The following COL4A5 variants were observed in gnomAD, a reference collection of about 807,000 sequenced individuals.
The protein encoded by COL4A5 is collagen type IV alpha 5 chain.
A neutral mutation model predicts 130.2 loss-of-function variants in COL4A5; 26 were observed. That is an observed-to-expected ratio of 0.20 (90% CI 0.15 to 0.28). The LOEUF is 0.28. COL4A5 is among the 10% of genes least tolerant of loss of function. COL4A5 has a pLI of 1.00. For synonymous variants in COL4A5, 496 were observed against 439.6 expected (o/e 1.13, Z -1.60); for missense variants, 1,131 against 1,344.3 (o/e 0.84, Z 2.48).
chrX:108,450,951 A>G (rs962783528), intron 1 of COL4A5, among the ~76,000 whole-genome samples: 19 of 108,551 alleles, frequency 1.8e-4, no homozygotes, highest in East Asian at 2.9e-4. Flanking sequence ...CCATTAACTC[A>G]TCATTTAGCA....
intron 44 of COL4A5, among the ~76,000 whole-genome samples, chrX:108,678,524 A>G (rs2068355821): frequency 9.0e-6 from 1 of 111,276 alleles, no homozygotes; most frequent in South Asian, 3.8e-4. Flanking sequence ...AAATATTCTC[A>G]TGTTTTATTA....
intron 1 of COL4A5, among the ~76,000 whole-genome samples, chrX:108,513,782 T>C (rs1646593277): frequency 9.4e-6 from 1 of 106,413 alleles, no homozygotes; most frequent in African/African-American, 3.9e-5. Context: ...TCCTGCTTAA[T>C]CTCAAGTCAT....
intron 1 of COL4A5, among the ~76,000 whole-genome samples, chrX:108,503,314 A>G (rs746507075): frequency 8.9e-6 from 1 of 112,107 alleles, no homozygotes; most frequent in African/African-American, 3.2e-5. Context: ...TGAATGGGGA[A>G]AAGTTGAAAG....
chrX:108,477,919 T>G (rs1175754920), intron 1 of COL4A5, among the ~76,000 whole-genome samples: 6 of 111,385 alleles, frequency 5.4e-5, no homozygotes, highest in African/African-American at 2.0e-4. Flanking sequence ...GATTACCTTG[T>G]TCTACTACCT....
Position 108,584,598 on chromosome X carries a change from A to G in COL4A5, c.1032+73A>G, listed in dbSNP as rs1243025644. On this transcript the variant is annotated intron_variant, in intron 18 of 52. Transcript: ENST00000328300. ...TATCATTTTTGTGCCTTAATCGCAT[A>G]CTCCCTACTTTTTCTTGATAGAACA... 4 of 879,049 alleles carry G rather than the reference A, an allele frequency of 4.6e-6. No individual in the cohort carries two copies. In the African/African-American group the frequency reaches 8.3e-5, roughly 18 times the overall value. 72.4% of individuals were successfully genotyped at this position (879,049 alleles called of 1,213,427 possible). A position where few individuals can be genotyped will look rare whatever the true frequency, so the allele number is the denominator to read the frequency against.
intron 1 of COL4A5, among the ~76,000 whole-genome samples, chrX:108,521,345 ACT>A (rs2065263222): frequency 9.1e-6 from 1 of 110,323 alleles, no homozygotes; most frequent in South Asian, 3.9e-4. Context: ...ATTGTTCTGA[ACT>A]CTCTTTTCAA....
At chrX:108,591,492 A>G in intron 20 of COL4A5, 69 bp from the exon 21 acceptor site, 2 of 923,708 alleles carry the variant, frequency 2.2e-6, no homozygotes, top group South Asian at 4.1e-5. Context: ...CTGGCTTGTC[A>G]GGCTTTCTTT....
chrX:108,510,991 A>G (rs995676962), intron 1 of COL4A5, among the ~76,000 whole-genome samples: 4 of 111,522 alleles, frequency 3.6e-5, no homozygotes, highest in Non-Finnish European at 7.5e-5. Context: ...GTGAATATAC[A>G]ATATCTTCCT....
In COL4A5 at chrX:108,602,997, C is replaced by T. The variant is rs753005152; in HGVS notation, c.2180C>T (p.Pro727Leu). Residue 727 changes from proline to leucine, a missense_variant, in exon 28 of 53, where the codon CCT (proline) becomes CTT (leucine). Transcript: ENST00000328300. ...GGAATTCCAGGACCTCCAGGAGCAC[C>T]TGGGACACCTGGAAGAATTGGTCTA... Reference protein sequence around the residue: ...FPGIPGPPGAPGTPGRIGLEG... With the variant: ...FPGIPGPPGALGTPGRIGLEG... The T allele has an allele frequency of 8.4e-7, 1 of 1,192,550 alleles. No individual in the cohort carries two copies. Among genetic ancestry groups the T allele is most frequent in the Non-Finnish European group, 1.1e-6 (1 of 883,731 alleles).
At chrX:108,547,573 G>C (rs1303368144) in intron 2 of COL4A5, among the ~76,000 whole-genome samples, 2 of 112,166 alleles carry the variant, frequency 1.8e-5, no homozygotes, top group Non-Finnish European at 3.8e-5. Context: ...CACTTGAGGA[G>C]GCAGTCTGTC....
chrX:108,546,459 A>G (rs1184830644), intron 2 of COL4A5, among the ~76,000 whole-genome samples: 2 of 111,942 alleles, frequency 1.8e-5, no homozygotes, highest in East Asian at 5.6e-4. Flanking sequence ...TGGCTTGTAG[A>G]GTTTCTGCCA....
At chrX:108,668,657 C>A (rs768444380) in intron 41 of COL4A5, among the ~76,000 whole-genome samples, 153 bp downstream of exon 41, 22 of 112,393 alleles carry the variant, frequency 2.0e-4, no homozygotes, top group African/African-American at 6.5e-4. Flanking sequence ...TAACTTCTTA[C>A]AAGTAAATAG....
At chrX:108,526,595 C>CCCTT (rs1327241159) in intron 1 of COL4A5, among the ~76,000 whole-genome samples, 556 of 33,283 alleles carry the variant, frequency 0.017, 28 homozygotes, top group Non-Finnish European at 0.022. Flanking sequence ...CTCCCTCCCT[C>CCCTT]CTTTCTTTCT....
chrX:108,604,695 T>A (rs1357257663), intron 28 of COL4A5, among the ~76,000 whole-genome samples: 3 of 112,415 alleles, frequency 2.7e-5, no homozygotes, highest in South Asian at 7.4e-4. Context: ...TTACTTATCT[T>A]CTCTAGCTAT....
In COL4A5 at chrX:108,487,055, A is replaced by G. The variant is rs1018949086; in HGVS notation, c.81+46849A>G. ...TTAAGAAATCTCCACAGTGTTTTCC[A>G]TAGTGGTTGTACCAGTTTACATTCC... is the stretch of plus-strand genomic sequence containing the variant. On this transcript the variant is annotated intron_variant, in intron 1 of 52. Coordinates refer to ENST00000328300, the MANE Select transcript of COL4A5 (RefSeq NM_033380.3). Among the ~76,000 whole-genome samples, 58 of 112,174 alleles carry G rather than the reference A, an allele frequency of 5.2e-4. 1 individual carries two copies. Among genetic ancestry groups the G allele is most frequent in the Admixed American group, 1.4e-3 (15 of 10,598 alleles).
chrX:108,574,374 G>A (rs1157676819), intron 9 of COL4A5, among the ~76,000 whole-genome samples: 2 of 111,024 alleles, frequency 1.8e-5, no homozygotes, highest in Non-Finnish European at 3.8e-5. Context: ...AAATTGTTAT[G>A]AAGTAATATT....
chrX:108,569,219 T>C (rs2066021014), intron 6 of COL4A5, among the ~76,000 whole-genome samples: 1 of 112,355 alleles, frequency 8.9e-6, no homozygotes, highest in African/African-American at 3.2e-5. Context: ...ATTTCATGTT[T>C]TTAAGATTTT....
At chrX:108,660,372 C>A (rs987273381) in intron 37 of COL4A5, among the ~76,000 whole-genome samples, 1 of 111,524 alleles carries the variant, frequency 9.0e-6, no homozygotes, top group African/African-American at 3.2e-5. Flanking sequence ...TAGTTGGTAT[C>A]ATTCCCTAAA....
intron 10 of COL4A5, 22 bp from the exon 11 acceptor site, chrX:108,577,928 TTC>T: frequency 1.7e-6 from 2 of 1,158,448 alleles, no homozygotes; most frequent in Non-Finnish European, 2.3e-6. Context: ...ACATTTTATT[TTC>T]TCTTTTGTCT....
Sources: gnomAD v4.1 joint callset for allele counts (sites outside exome capture counted in the v4.1 genomes callset) on GRCh38, gnomAD v4.1.1 for gene constraint, MANE v1.5 for transcripts, NCBI Gene and HGNC (gene_info 2026-07-23, HGNC 2026-07-21) for gene names.